FLT3: variants seen among roughly 807,000 people sequenced by gnomAD.
The protein encoded by FLT3 is receptor-type tyrosine-protein kinase FLT3.
FLT3 carries 46 observed loss-of-function variants against 126.6 expected under a neutral mutation model. The observed-to-expected ratio is 0.36, with a 90% CI of 0.29 to 0.46. The LOEUF (loss-of-function observed/expected upper bound fraction) is 0.46. Ranked by LOEUF, FLT3 falls within the 20% of genes least tolerant of loss-of-function variation. The pLI is 1.00. For synonymous variants in FLT3, 404 were observed against 434.4 expected (o/e 0.93, Z 0.87); for missense variants, 1,069 against 1,190.3 (o/e 0.90, Z 1.50).
At chr13:28,033,585 G>A (rs578242324) in intron 15 of FLT3, among the ~76,000 whole-genome samples, 17 of 152,326 alleles carry the variant, frequency 1.1e-4, no homozygotes, top group African/African-American at 3.4e-4. Context: ...GGTGGAGGCT[G>A]CAGTGAGCCA....
chr13:28,036,085 T>C, intron 10 of FLT3, 42 bp from the exon 11 acceptor site: 2 of 1,531,252 alleles, frequency 1.3e-6, no homozygotes, highest in Non-Finnish European at 1.8e-6. Context: ...TGGCTGGGCA[T>C]AGTGGTTCAC....
At chr13:28,095,984 A>G (rs1335146194) in intron 1 of FLT3, among the ~76,000 whole-genome samples, 1 of 152,184 alleles carries the variant, frequency 6.6e-6, no homozygotes, top group Non-Finnish European at 1.5e-5. Flanking sequence ...GCTTTGGAAC[A>G]GTTTGTTCCT....
intron 15 of FLT3, among the ~76,000 whole-genome samples, chr13:28,030,261 A>T (rs1873200947): frequency 6.6e-6 from 1 of 152,146 alleles, no homozygotes; most frequent in Non-Finnish European, 1.5e-5. Flanking sequence ...CCCCTAATAC[A>T]TCATGTCTTC....
intron 15 of FLT3, among the ~76,000 whole-genome samples, chr13:28,028,878 C>G (rs1420310415): frequency 6.6e-6 from 1 of 150,838 alleles, no homozygotes; most frequent in Non-Finnish European, 1.5e-5. Flanking sequence ...GCCTCCTGGG[C>G]TCAAGTGATC....
intron 23 of FLT3, among the ~76,000 whole-genome samples, chr13:28,010,482 G>T (rs1480157939): frequency 6.6e-6 from 1 of 152,166 alleles, no homozygotes; most frequent in Non-Finnish European, 1.5e-5. Context: ...CAGAATATTT[G>T]ATCTGGTTCT....
At chr13:28,062,798 C>T (rs901560941) in intron 2 of FLT3, among the ~76,000 whole-genome samples, 1 of 147,594 alleles carries the variant, frequency 6.8e-6, no homozygotes, top group African/African-American at 2.5e-5. Context: ...AGTAAGAACA[C>T]CATGTGAACA....
At chr13:28,061,095 C>T (rs1022957763) in intron 3 of FLT3, among the ~76,000 whole-genome samples, 6 of 151,822 alleles carry the variant, frequency 4.0e-5, no homozygotes, top group Non-Finnish European at 8.8e-5. Flanking sequence ...GTGGCTCATG[C>T]CTGTAATTCC....
chr13:28,052,172 A>G (rs1301413628), intron 5 of FLT3, among the ~76,000 whole-genome samples: 1 of 151,198 alleles, frequency 6.6e-6, no homozygotes, highest in African/African-American at 2.4e-5. Flanking sequence ...TTGGCTCACC[A>G]CAACCTTTGC....
At position 28,062,075 on chromosome 13, in the gene FLT3, T is replaced by C; in HGVS notation, c.166-6A>G. The C allele has an allele frequency of 6.2e-7, 1 of 1,610,102 alleles. No individual in the cohort carries two copies. Among genetic ancestry groups the C allele is most frequent in the African/African-American group, 1.3e-5 (1 of 74,912 alleles). ...TCTTCCGGGGATTCTGATACCTACG[T>C]TGCAGATAGAACAAAGTGAATTCAT... On this transcript the variant is annotated splice_region_variant and splice_polypyrimidine_tract_variant and intron_variant, in intron 2 of 23. Coordinates refer to ENST00000241453, the MANE Select transcript of FLT3 (RefSeq NM_004119.3).
chr13:28,094,031 G>C (rs553175671), intron 1 of FLT3, among the ~76,000 whole-genome samples: 1 of 152,122 alleles, frequency 6.6e-6, no homozygotes, highest in African/African-American at 2.4e-5. Context: ...TGCAAAACAC[G>C]TGCCTAACAA....
At chr13:28,037,019 A>T (rs1316807612) in intron 10 of FLT3, among the ~76,000 whole-genome samples, 166 bp downstream of exon 10, 2 of 152,208 alleles carry the variant, frequency 1.3e-5, no homozygotes, top group African/African-American at 2.4e-5. Context: ...AAAAAGATAT[A>T]TGATCAATGC....
chr13:28,035,109 C>T (rs536968403), intron 12 of FLT3, among the ~76,000 whole-genome samples: 1 of 152,150 alleles, frequency 6.6e-6, no homozygotes, highest in Non-Finnish European at 1.5e-5. Context: ...AACTGTTTAA[C>T]TTAGGAGGGC....
intron 3 of FLT3, among the ~76,000 whole-genome samples, 154 bp from the exon 4 acceptor site, chr13:28,057,616 G>A (rs984761853): frequency 6.6e-6 from 1 of 152,232 alleles, no homozygotes; most frequent in African/African-American, 2.4e-5. Context: ...CATGTGCCCA[G>A]CACTCAGCCT....
chr13:28,018,702 T>A (rs1199042610), intron 19 of FLT3, 113 bp from the exon 20 acceptor site: 1 of 1,134,286 alleles, frequency 8.8e-7, no homozygotes, highest in Non-Finnish European at 1.3e-6. Context: ...AGGCCTCTTA[T>A]CTTTACTGGG....
In FLT3 at chr13:28,018,463, T is replaced by A. The variant is rs1212893927; in HGVS notation, c.2541+4A>T. 1 of 1,613,892 alleles carries A rather than the reference T, an allele frequency of 6.2e-7. No homozygotes were observed. The highest frequency in any genetic ancestry group is 8.5e-7 in the Non-Finnish European group (1 of 1,179,826). On this transcript the variant is annotated splice_donor_region_variant and intron_variant, in intron 20 of 23. Coordinates refer to ENST00000241453, the MANE Select transcript of FLT3 (RefSeq NM_004119.3). ...TAAAAATAAGTAGGAAATAGCAGCC[T>A]CACATTGCCCCTGACAACATAGTTG...
At chr13:28,082,948 T>G (rs1878432944) in intron 1 of FLT3, among the ~76,000 whole-genome samples, 1 of 151,936 alleles carries the variant, frequency 6.6e-6, no homozygotes, top group African/African-American at 2.4e-5. Flanking sequence ...CTTCATGATC[T>G]GCCCACTTTG....
chr13:28,091,207 C>CTTTTTTTTTTTTTTTTT (rs572410744), intron 1 of FLT3, among the ~76,000 whole-genome samples: 1 of 36,580 alleles, frequency 2.7e-5, no homozygotes, highest in African/African-American at 1.1e-4. Context: ...GCCCCATTTT[C>CTTTTTTTTTTTTTTTTT]TTTTTTTTTT....
chr13:28,074,174 G>C (rs1877771715), intron 1 of FLT3, among the ~76,000 whole-genome samples: 1 of 151,966 alleles, frequency 6.6e-6, no homozygotes, highest in Non-Finnish European at 1.5e-5. Context: ...TTTTTTTATA[G>C]GGTGGGTGGT....
intron 4 of FLT3, among the ~76,000 whole-genome samples, chr13:28,052,935 G>T (rs1350862270): frequency 6.6e-6 from 1 of 152,076 alleles, no homozygotes. Flanking sequence ...TAAAGTAGTC[G>T]AGTGAAGCCA....
Sources: allele counts gnomAD v4.1 joint callset (sites outside exome capture counted in the v4.1 genomes callset), GRCh38; gene constraint gnomAD v4.1.1; transcripts MANE v1.5; gene names NCBI Gene and HGNC (gene_info 2026-07-23, HGNC 2026-07-21).